Variants in HMGB1 observed in about 807,000 individuals in gnomAD.
HMGB1 encodes high mobility group protein B1.
For missense variants in HMGB1, 79 were observed against 253.5 expected, an observed-to-expected ratio of 0.31 and a Z score of 4.67; for synonymous variants, 81 against 84.0, an observed-to-expected ratio of 0.96 and a Z score of 0.19.
chr13:30,473,932 G>A (rs2137422769), intron 1 of HMGB1, among the ~76,000 whole-genome samples: 1 of 152,312 alleles, frequency 6.6e-6, no homozygotes, highest in East Asian at 1.9e-4. Context: ...TATGCTAAGT[G>A]AAAGAGCCCA....
upstream of HMGB1, among the ~76,000 whole-genome samples, chr13:30,467,516 A>G (rs1361411740): frequency 2.0e-5 from 3 of 152,252 alleles, no homozygotes; most frequent in Non-Finnish European, 4.4e-5. Flanking sequence ...CACATGAAAA[A>G]GACTATAATA....
intron 1 of HMGB1, chr13:30,554,466 G>A: frequency 9.9e-7 from 1 of 1,006,808 alleles, no homozygotes; most frequent in Non-Finnish European, 1.6e-6. Flanking sequence ...GATCAACTGA[G>A]ATTCTCATAC....
intron 1 of HMGB1, chr13:30,465,094 T>C (rs964409376): frequency 1.1e-6 from 1 of 920,766 alleles, no homozygotes. Context: ...TGCGCCCAGC[T>C]CCCCCGCCCG....
At chr13:30,513,979 C>A (rs997009389) in intron 1 of HMGB1, among the ~76,000 whole-genome samples, 2 of 152,030 alleles carry the variant, frequency 1.3e-5, no homozygotes, top group African/African-American at 4.8e-5. Context: ...AAACTCTTGG[C>A]CTCAAGTGAT....
intron 1 of HMGB1, among the ~76,000 whole-genome samples, chr13:30,498,726 A>C (rs12583943): frequency 0.83 from 124,950 of 150,950 alleles, 56,561 homozygotes; most frequent in East Asian, 1. Context: ...GGGCTCACTG[A>C]AACCTCCACC....
At chr13:30,464,581 G>C in intron 1 of HMGB1, 23 of 984,046 alleles carry the variant, frequency 2.3e-5, no homozygotes, top group Non-Finnish European at 2.8e-5. Context: ...CTGCAGGCCC[G>C]CGCCGCCGCC....
intron 1 of HMGB1, among the ~76,000 whole-genome samples, chr13:30,597,005 T>C (rs7992620): frequency 0.52 from 79,636 of 152,102 alleles, 23,357 homozygotes; most frequent in African/African-American, 0.8. Context: ...GACAGCTGTA[T>C]GATTTGAATG....
At chr13:30,513,346 T>C (rs558903640) in intron 1 of HMGB1, among the ~76,000 whole-genome samples, 1 of 152,310 alleles carries the variant, frequency 6.6e-6, no homozygotes, top group East Asian at 1.9e-4. Flanking sequence ...CTCATCTGCC[T>C]GGAGTCCTCT....
At chr13:30,475,278 G>A (rs1419501295) in intron 1 of HMGB1, among the ~76,000 whole-genome samples, 1 of 144,832 alleles carries the variant, frequency 6.9e-6, no homozygotes, top group African/African-American at 2.6e-5. Context: ...GCAGTGGCGT[G>A]ACCTCGGCTC....
At chr13:30,538,482 C>CTT (rs1354312979) in intron 1 of HMGB1, among the ~76,000 whole-genome samples, 5 of 33,532 alleles carry the variant, frequency 1.5e-4, no homozygotes, top group African/African-American at 4.4e-4. Context: ...TTCTTTCTTT[C>CTT]TTTCTTTCTT....
intron 1 of HMGB1, among the ~76,000 whole-genome samples, chr13:30,588,110 T>C (rs1445501346): frequency 6.6e-6 from 1 of 152,220 alleles, no homozygotes; most frequent in African/African-American, 2.4e-5. Flanking sequence ...AGATTTATCA[T>C]GTGCTCAGCA....
chr13:30,540,526 G>A (rs1417230597), intron 1 of HMGB1: 4 of 164,596 alleles, frequency 2.4e-5, no homozygotes, highest in East Asian at 1.7e-4. Context: ...CACACTCTAC[G>A]TCTAAGAGGC....
intron 1 of HMGB1, among the ~76,000 whole-genome samples, chr13:30,523,512 C>A (rs1207680059): frequency 8.3e-6 from 1 of 120,758 alleles, no homozygotes; most frequent in African/African-American, 2.9e-5. Context: ...GTATATCTAT[C>A]TACTGAAGCC....
At position 30,539,555 on chromosome 13, in the gene HMGB1, CT is replaced by C. The variant is rs564689711; in HGVS notation, c.-14-75862del. On this transcript the variant is annotated intron_variant, in intron 1 of 4. Coordinates refer to the HMGB1 transcript ENST00000405805. ...TCATTTACTGGGAGTTTTAAGTGCC[CT>C]TTCTTCCACAGAGCCCCAGAGTAGT... 1.8e-4 allele frequency: 49 copies of C among 266,526 alleles called. 1 individual carries two copies. The South Asian group carries it at 3.3e-3, about 18-fold the overall frequency. The allele number at this position is 266,526 out of a possible 1,614,324, so 16.5% of individuals were successfully genotyped here. A position where few individuals can be genotyped will look rare whatever the true frequency, so the allele number is the denominator to read the frequency against.
chr13:30,604,154 G>A (rs1950431090), intron 1 of HMGB1, among the ~76,000 whole-genome samples: 1 of 152,012 alleles, frequency 6.6e-6, no homozygotes. Context: ...TCCAAGTTGG[G>A]GGGTGGGTGG....
intron 1 of HMGB1, among the ~76,000 whole-genome samples, chr13:30,552,943 T>C (rs544639660): frequency 2.9e-4 from 44 of 152,210 alleles, no homozygotes; most frequent in Non-Finnish European, 5.4e-4. Context: ...CAGGGCTACA[T>C]TGGAGCTGTG....
chr13:30,465,220 G>A, intron 1 of HMGB1: 3 of 591,310 alleles, frequency 5.1e-6, no homozygotes, highest in Non-Finnish European at 4.1e-6. Flanking sequence ...CGACCGGGCC[G>A]AGGCCGGCCG....
intron 1 of HMGB1, among the ~76,000 whole-genome samples, chr13:30,526,377 C>T (rs1330124304): frequency 6.6e-6 from 1 of 152,182 alleles, no homozygotes; most frequent in East Asian, 1.9e-4. Flanking sequence ...TTATATACCA[C>T]AGACTTGTGA....
At chr13:30,485,932 A>T (rs1447454164) in intron 1 of HMGB1, among the ~76,000 whole-genome samples, 3 of 152,202 alleles carry the variant, frequency 2.0e-5, no homozygotes, top group Non-Finnish European at 4.4e-5. Context: ...ATCTAGAGAA[A>T]GTCAGTGCCT....
Sources: allele counts gnomAD v4.1 joint callset (sites outside exome capture counted in the v4.1 genomes callset), GRCh38; gene constraint gnomAD v4.1.1; transcripts MANE v1.5; gene names NCBI Gene and HGNC (gene_info 2026-07-23, HGNC 2026-07-21).